Variants in CANT1 observed in about 807,000 individuals in gnomAD.
The protein encoded by CANT1 is calcium activated nucleotidase 1, also known as soluble calcium-activated nucleotidase 1.
Under a neutral mutation model 30.0 loss-of-function variants are expected in CANT1, and 26 were observed. The ratio of observed to expected loss-of-function variants is 0.87; its 90% CI spans 0.64 to 1.20. The LOEUF (loss-of-function observed/expected upper bound fraction) is 1.20. CANT1 is among the 50% of genes most tolerant of loss of function. The pLI, the probability that CANT1 is intolerant of heterozygous loss-of-function variation, is 0.00. For synonymous variants in CANT1, 246 were observed against 251.8 expected (o/e 0.98, Z 0.22); for missense variants, 518 against 563.0 (o/e 0.92, Z 0.81).
At position 78,995,902 on chromosome 17, in the gene CANT1, C is replaced by T. The variant is rs1013345289; in HGVS notation, c.632-681G>A. ...GACTGTAGTAGCTTCTCTGCAGGGC[C>T]CTGGAGGGACCTGCGGTCTCCTGGT... On this transcript the variant is annotated intron_variant, in intron 3 of 4. Transcript: ENST00000392446. This position sits in a 1 kb window ranked among gnomAD's most constrained non-coding sequence, Gnocchi z 5.7. 6.6e-5 allele frequency among the ~76,000 whole-genome samples: 10 copies of T among 152,048 alleles called. No individual in the cohort carries two copies. Among genetic ancestry groups the T allele is most frequent in the African/African-American group, 2.2e-4 (9 of 41,404 alleles).
chr17:78,997,240 T>A lies in CANT1; in HGVS notation c.383A>T (p.Tyr128Phe). 6.2e-7 allele frequency: 1 copy of A among 1,614,202 alleles called. No homozygotes were observed. Among genetic ancestry groups the A allele is most frequent in the Non-Finnish European group, 8.5e-7 (1 of 1,180,042 alleles). The stretch of plus-strand genomic sequence containing the variant: ...CAGGGTCAGGTAGCCCTTTTTCAGG[T>A]AACTGAACCAGGTGTTTTCCTCTTG... ...RAQEENTWFSYLKKGYLTLSD... is the reference protein window; with the variant it reads ...RAQEENTWFSFLKKGYLTLSD... The change falls in exon 3 of 5, where the codon TAC becomes TTC. Residue 128 changes from tyrosine (Y) to phenylalanine (F), a missense_variant. By Grantham distance (22) the Tyr-to-Phe change is conservative. Coordinates refer to ENST00000392446, the MANE Select transcript of CANT1 (RefSeq NM_001159773.2). The surrounding 1 kb of genome is among the most constrained non-coding windows in gnomAD (Gnocchi z 7.5).
intron 1 of CANT1, among the ~76,000 whole-genome samples, chr17:79,001,740 C>T (rs2071270099): frequency 6.6e-6 from 1 of 152,154 alleles, no homozygotes; most frequent in South Asian, 2.1e-4. Flanking sequence ...TGGGCCTCCT[C>T]CCAGGCAGGT....
At chr17:79,007,031 C>A (rs182894728) in intron 1 of CANT1, among the ~76,000 whole-genome samples, 7 of 152,230 alleles carry the variant, frequency 4.6e-5, no homozygotes, top group Admixed American at 4.6e-4. Context: ...CAGACTTCAA[C>A]GCCTTCTTCA....
intron 1 of CANT1, among the ~76,000 whole-genome samples, chr17:79,001,606 C>T (rs1037030279): frequency 2.6e-5 from 4 of 151,024 alleles, no homozygotes; most frequent in Non-Finnish European, 5.9e-5. Flanking sequence ...CAAGAGCACC[C>T]ACACCTACAC....
At position 78,997,114 on chromosome 17, in the gene CANT1, A is replaced by G; in HGVS notation, c.509T>C (p.Leu170Pro). The G allele has an allele frequency of 6.2e-7, 1 of 1,614,162 alleles. No homozygotes were observed. Among genetic ancestry groups the G allele is most frequent in the Non-Finnish European group, 8.5e-7 (1 of 1,180,032 alleles). Residue 170 changes from leucine to proline, a missense_variant, in exon 3 of 5, where the codon CTG becomes CCG. By Grantham distance (98) the Leu-to-Pro change is moderately conservative (BLOSUM62 -3). Around this residue, in one of 3 missense-constraint regions of CANT1, gnomAD observed 249 missense variants for 268.8 expected, o/e 0.93. Transcript: ENST00000392446. The surrounding 1 kb of genome is among the most constrained non-coding windows in gnomAD (Gnocchi z 7.5). ...EKGRGMELSD[L>P]IVFNGKLYSV... The stretch of plus-strand genomic sequence containing the variant: ...GTAGAGTTTCCCATTGAAAACAATC[A>G]GGTCGGATAGCTCCATGCCTCTCCC...
At chr17:78,999,231 C>T (rs1465673586) in intron 1 of CANT1, among the ~76,000 whole-genome samples, 1 of 152,198 alleles carries the variant, frequency 6.6e-6, no homozygotes, top group Non-Finnish European at 1.5e-5. Context: ...AGCAGTTCCT[C>T]CAGGCCCGCA....
At position 79,002,042 on chromosome 17, in the gene CANT1, T is replaced by C. The variant is rs955324783; in HGVS notation, c.-146-4079A>G. On this transcript the variant is annotated intron_variant, in intron 1 of 4. Transcript: ENST00000392446. This position sits in a 1 kb window ranked among gnomAD's most constrained non-coding sequence, Gnocchi z 4.0. Reference sequence around the variant, plus strand: ...CCATCCACACAGCCTCGGCTCCAGTTCCATCTCACCCTGATGACTCTCAGA... The same window carrying C: ...CCATCCACACAGCCTCGGCTCCAGTCCCATCTCACCCTGATGACTCTCAGA... 2.0e-5 allele frequency among the ~76,000 whole-genome samples: 3 copies of C among 152,102 alleles called. No individual in the cohort carries two copies. Among genetic ancestry groups the C allele is most frequent in the Non-Finnish European group, 2.9e-5 (2 of 68,016 alleles).
Position 78,993,537 on chromosome 17 carries a change from T to C in CANT1, c.*13A>G. 5 of 1,614,188 alleles carry C rather than the reference T, an allele frequency of 3.1e-6. No homozygotes were observed. The highest frequency in any genetic ancestry group is 4.2e-6 in the Non-Finnish European group (5 of 1,180,038). Reference sequence around the variant, plus strand: ...TGAGTCCTGATGGCCTTGCTCAGTGTTTCCGTTTTGAGTTAAATGAACTCG... The same window carrying C: ...TGAGTCCTGATGGCCTTGCTCAGTGCTTCCGTTTTGAGTTAAATGAACTCG... On this transcript the variant is annotated 3_prime_UTR_variant, in exon 5 of 5. Coordinates refer to ENST00000392446, the MANE Select transcript of CANT1 (RefSeq NM_001159773.2). The surrounding 1 kb of genome is among the most constrained non-coding windows in gnomAD (Gnocchi z 4.5).
Position 78,998,682 on chromosome 17 carries a change from G to A in CANT1, c.-146-719C>T, listed in dbSNP as rs547420268. Among the ~76,000 whole-genome samples, 3 of 152,362 alleles carry A rather than the reference G, an allele frequency of 2.0e-5. No homozygotes were observed. The highest frequency in any genetic ancestry group is 1.9e-4 in the East Asian group (1 of 5,190). Reference sequence around the variant, plus strand: ...CATGGGGCACCAGGCCCACGTCTGCGCCGCCTTGGTGAGAGCTGCCTGTCT... The same window carrying A: ...CATGGGGCACCAGGCCCACGTCTGCACCGCCTTGGTGAGAGCTGCCTGTCT... On this transcript the variant is annotated intron_variant, in intron 1 of 4. Transcript: ENST00000392446. The surrounding 1 kb of genome is among the most constrained non-coding windows in gnomAD (Gnocchi z 4.5).
At position 78,994,875 on chromosome 17, in the gene CANT1, G is replaced by A. The variant is rs757667584; in HGVS notation, c.835+143C>T. ...GTGGAGGTTGCAGTGAGCTGAGATC[G>A]TGCCACTGCACTCTAACCGGGGTGA... On this transcript the variant is annotated intron_variant, in intron 4 of 4. Coordinates refer to ENST00000392446, the MANE Select transcript of CANT1 (RefSeq NM_001159773.2). 71 of 859,346 alleles carry A rather than the reference G, an allele frequency of 8.3e-5. No homozygotes were observed. The African/African-American group carries it at 8.4e-4, about 10-fold the overall frequency. 53.2% of individuals were successfully genotyped at this position (859,346 alleles called of 1,614,324 possible). A position where few individuals can be genotyped will look rare whatever the true frequency, so the allele number is the denominator to read the frequency against.
intron 4 of CANT1, 115 bp downstream of exon 4, chr17:78,994,903 G>A: frequency 3.6e-6 from 4 of 1,119,266 alleles, no homozygotes; most frequent in Non-Finnish European, 5.2e-6. Context: ...CGGGGTGACA[G>A]AGCAAGACTA....
rs758588207 is a variant in CANT1, at chr17:78,998,507, G to A, written c.-146-544C>T. On this transcript the variant is annotated intron_variant, in intron 1 of 4. Transcript: ENST00000392446. The surrounding 1 kb of genome is among the most constrained non-coding windows in gnomAD (Gnocchi z 4.5). ...GCTCACTGCGGGGCCTGGCTCGGCCGCAGGCCTCTCCCAGCTCACCCTCCA... is the reference window on the plus strand; with the variant it reads ...GCTCACTGCGGGGCCTGGCTCGGCCACAGGCCTCTCCCAGCTCACCCTCCA... Among the ~76,000 whole-genome samples the A allele has an allele frequency of 1.9e-4, 29 of 152,232 alleles. No individual in the cohort carries two copies. The highest frequency in any genetic ancestry group is 4.1e-4 in the Non-Finnish European group (28 of 68,034).
Position 78,995,181 on chromosome 17 carries a change from C to T in CANT1, c.672G>A (p.Leu224=). 1.2e-6 allele frequency: 2 copies of T among 1,614,028 alleles called. No individual in the cohort carries two copies. Among genetic ancestry groups the T allele is most frequent in the African/African-American group, 2.7e-5 (2 of 75,058 alleles). The change falls in exon 4 of 5, where the codon CTG becomes CTA. Residue 224 remains leucine, a synonymous_variant. Coordinates refer to ENST00000392446, the MANE Select transcript of CANT1 (RefSeq NM_001159773.2). This position sits in a 1 kb window ranked among gnomAD's most constrained non-coding sequence, Gnocchi z 5.7. ...AEWLAVKDER[L]YVGGLGKEWT... ...ACTCCTTGCCCAGGCCGCCCACGTA[C>T]AGACGCTCGTCCTTCACTGCCAGCC... is the stretch of plus-strand genomic sequence containing the variant.
At position 78,997,555 on chromosome 17, in the gene CANT1, C is replaced by G; in HGVS notation, c.68G>C (p.Gly23Ala). Reference protein sequence around the residue: ...ESMHSLRISVGGLPVLASMTK... With the variant: ...ESMHSLRISVAGLPVLASMTK... ...CATGGACGCCAGCACAGGAAGGCCC[C>G]CCACACTGATCCGGAGGGAGTGCAT... The change falls in exon 3 of 5, where the codon GGG becomes GCG. Residue 23 changes from glycine to alanine, a missense_variant. Transcript: ENST00000392446. The surrounding 1 kb of genome is among the most constrained non-coding windows in gnomAD (Gnocchi z 7.5). The G allele has an allele frequency of 6.4e-7, 1 of 1,564,166 alleles. No individual in the cohort carries two copies. Among genetic ancestry groups the G allele is most frequent in the Non-Finnish European group, 8.7e-7 (1 of 1,154,516 alleles).
At position 78,993,703 on chromosome 17, in the gene CANT1, G is replaced by C. The variant is rs1353903717; in HGVS notation, c.1053C>G (p.Pro351=). 1 of 1,614,222 alleles carries C rather than the reference G, an allele frequency of 6.2e-7. No homozygotes were observed. The highest frequency in any genetic ancestry group is 1.7e-5 in the Admixed American group (1 of 60,032). Residue 351 remains proline (P), a synonymous_variant, in exon 5 of 5, where the codon CCC becomes CCG. Transcript: ENST00000392446. This position sits in a 1 kb window ranked among gnomAD's most constrained non-coding sequence, Gnocchi z 4.5. ...CCACAATGATCTGGTCGTCGGTGTTGGGGATGAACTTGAAGGACGAGAAGC... is the reference window on the plus strand; with the variant it reads ...CCACAATGATCTGGTCGTCGGTGTTCGGGATGAACTTGAAGGACGAGAAGC... ...THGFSSFKFI[P]NTDDQIIVAL... is the part of the protein sequence containing the mutation.
At chr17:78,999,827 A>G (rs749063165) in intron 1 of CANT1, among the ~76,000 whole-genome samples, 1 of 151,690 alleles carries the variant, frequency 6.6e-6, no homozygotes, top group Non-Finnish European at 1.5e-5. Context: ...CTAATTTTGT[A>G]TTTTTAGTAG....
At position 78,996,150 on chromosome 17, in the gene CANT1, C is replaced by T. The variant is rs760286176; in HGVS notation, c.631+842G>A. On this transcript the variant is annotated intron_variant, in intron 3 of 4. Transcript: ENST00000392446. The surrounding 1 kb of genome is among the most constrained non-coding windows in gnomAD (Gnocchi z 5.1). Reference sequence around the variant, plus strand: ...AGGTGAGGTCCGTCCCCTGCCCAGCCCTGGGCAAACACTGAAGATTTTATC... The same window carrying T: ...AGGTGAGGTCCGTCCCCTGCCCAGCTCTGGGCAAACACTGAAGATTTTATC... 4.4e-4 allele frequency among the ~76,000 whole-genome samples: 67 copies of T among 152,314 alleles called. No individual in the cohort carries two copies. The highest frequency in any genetic ancestry group is 1.3e-3 in the Admixed American group (20 of 15,312).
In CANT1 at chr17:79,009,105, C is replaced by T. The variant is rs1212119080; in HGVS notation, c.-147+559G>A. On this transcript the variant is annotated intron_variant, in intron 1 of 4. Transcript: ENST00000392446. The stretch of plus-strand genomic sequence containing the variant: ...CACTAGCCAGAGCGGGGAGGCGTCC[C>T]ACACTAATCAGAGGGGGATGGTCCC... Among the ~76,000 whole-genome samples, 3 of 152,014 alleles carry T rather than the reference C, an allele frequency of 2.0e-5. No homozygotes were observed. The East Asian group carries it at 5.8e-4, about 30-fold the overall frequency.
rs1350059408 is a variant in CANT1 at position 78,996,624 on chromosome 17, G to C, written c.631+368C>G. Among the ~76,000 whole-genome samples, 1 of 152,162 alleles carries C rather than the reference G, an allele frequency of 6.6e-6. No homozygotes were observed. Among genetic ancestry groups the C allele is most frequent in the Non-Finnish European group, 1.5e-5 (1 of 68,028 alleles). ...CTGTCCCCATGGCTTTCAGGGCAAGGCTCCTGGTAGGCACATCCTAGCGTG... is the reference window on the plus strand; with the variant it reads ...CTGTCCCCATGGCTTTCAGGGCAAGCCTCCTGGTAGGCACATCCTAGCGTG... On this transcript the variant is annotated intron_variant, in intron 3 of 4. Coordinates refer to ENST00000392446, the MANE Select transcript of CANT1 (RefSeq NM_001159773.2). This position sits in a 1 kb window ranked among gnomAD's most constrained non-coding sequence, Gnocchi z 5.1.
Sources: allele counts gnomAD v4.1 joint callset (sites outside exome capture counted in the v4.1 genomes callset), GRCh38; gene constraint gnomAD v4.1.1; regional missense constraint gnomAD v4.1.1; non-coding constraint Gnocchi (gnomAD v3.1); transcripts MANE v1.5; gene names NCBI Gene and HGNC (gene_info 2026-07-23, HGNC 2026-07-21).